ITSN2: variants seen among roughly 807,000 people sequenced by gnomAD.
ITSN2 encodes intersectin 2, also known as intersectin-2.
A neutral mutation model predicts 243.7 loss-of-function variants in ITSN2; 156 were observed. The observed-to-expected ratio is 0.64, with a 90% CI of 0.56 to 0.73. The LOEUF is 0.73. Ranked by LOEUF, ITSN2 falls within the 30% of genes least tolerant of loss-of-function variation. The probability of loss-of-function intolerance (pLI) is 0.00; values close to 1 mark genes in which losing one functional copy is unlikely to be tolerated. For synonymous variants in ITSN2, 703 were observed against 699.9 expected (o/e 1.00, Z -0.07); for missense variants, 1,801 against 1,996.1 (o/e 0.90, Z 1.86).
At chr2:24,267,173 G>C (rs2151432179) in intron 20 of ITSN2, among the ~76,000 whole-genome samples, 1 of 152,120 alleles carries the variant, frequency 6.6e-6, no homozygotes, top group East Asian at 1.9e-4. Flanking sequence ...ACTCACAAGT[G>C]GGAGTTGAAC....
rs536177172 is a variant in ITSN2 at position 24,216,442 on chromosome 2, A to G, written c.3807-210T>C. On this transcript the variant is annotated intron_variant, in intron 31 of 39. Coordinates refer to ENST00000355123, the MANE Select transcript of ITSN2 (RefSeq NM_006277.3). ...CCGGGGTGTGATGTCAGCAAAGAAA[A>G]AAAAAGTAAATAAAGTCCCTGCAGT... 1.4e-5 allele frequency: 6 copies of G among 434,144 alleles called. No individual in the cohort carries two copies. In the South Asian group the frequency reaches 3.1e-4, roughly 22 times the overall value. The allele number at this position is 434,144 out of a possible 1,614,324, so 26.9% of individuals were successfully genotyped here. A position where few individuals can be genotyped will look rare whatever the true frequency, so the allele number is the denominator to read the frequency against.
intron 20 of ITSN2, among the ~76,000 whole-genome samples, chr2:24,270,278 C>A (rs951867617): frequency 6.6e-6 from 1 of 152,152 alleles, no homozygotes; most frequent in African/African-American, 2.4e-5. Context: ...TGTGATAACA[C>A]AATAAAGACT....
At chr2:24,315,768 T>C (rs1314604244) in intron 2 of ITSN2, among the ~76,000 whole-genome samples, 1 of 152,234 alleles carries the variant, frequency 6.6e-6, no homozygotes, top group Non-Finnish European at 1.5e-5. Flanking sequence ...CCCCCCTTGC[T>C]GCTTCTCTCT....
intron 37 of ITSN2, chr2:24,205,781 C>T (rs1463690766): frequency 1.2e-5 from 2 of 166,250 alleles, no homozygotes; most frequent in African/African-American, 4.8e-5. Context: ...CACTTAATAG[C>T]AGCTAACATT....
At chr2:24,282,041 G>A (rs1266597757) in intron 17 of ITSN2, among the ~76,000 whole-genome samples, 1 of 152,240 alleles carries the variant, frequency 6.6e-6, no homozygotes, top group East Asian at 1.9e-4. Context: ...TAGGGCTTCA[G>A]CCTCGGGCCT....
chr2:24,214,177 T>G (rs1669751970), intron 32 of ITSN2, among the ~76,000 whole-genome samples: 1 of 152,250 alleles, frequency 6.6e-6, no homozygotes, highest in Non-Finnish European at 1.5e-5. Flanking sequence ...CTTCTTTTCA[T>G]GTAATGCTTA....
chr2:24,307,492 G>A (rs1324556290), intron 8 of ITSN2, among the ~76,000 whole-genome samples: 2 of 152,056 alleles, frequency 1.3e-5, no homozygotes, highest in African/African-American at 2.4e-5. Context: ...TAGGTCACCC[G>A]TGAACCTACC....
intron 28 of ITSN2, 109 bp downstream of exon 28, chr2:24,246,688 A>G (rs1206758251): frequency 2.8e-6 from 2 of 718,472 alleles, no homozygotes; most frequent in East Asian, 2.6e-5. Context: ...AAGCAGACAT[A>G]AGGAAAGAAC....
chr2:24,313,100 T>TC (rs1354148771), intron 4 of ITSN2, among the ~76,000 whole-genome samples: 17 of 148,252 alleles, frequency 1.1e-4, no homozygotes, highest in Admixed American at 6.1e-4. Flanking sequence ...TTTTTTTTTT[T>TC]CTAAAGAGAG....
chr2:24,261,402 T>G (rs575361929), intron 21 of ITSN2, 152 bp from the exon 22 acceptor site: 2 of 904,140 alleles, frequency 2.2e-6, no homozygotes, highest in Admixed American at 5.6e-5. Context: ...ACCCATGTTT[T>G]CACTTACTAA....
chr2:24,275,141 T>C (rs754175395), intron 18 of ITSN2, among the ~76,000 whole-genome samples: 3 of 152,246 alleles, frequency 2.0e-5, no homozygotes, highest in Non-Finnish European at 4.4e-5. Flanking sequence ...AGGAAACTAA[T>C]AGATTTACCA....
intron 15 of ITSN2, among the ~76,000 whole-genome samples, chr2:24,288,600 TAC>T (rs1679830661): frequency 1.3e-5 from 2 of 152,300 alleles, no homozygotes; most frequent in East Asian, 3.9e-4. Flanking sequence ...GAAATATGTA[TAC>T]ATTGTAAAAT....
At chr2:24,288,184 A>G (rs1221523865) in intron 15 of ITSN2, among the ~76,000 whole-genome samples, 1 of 151,906 alleles carries the variant, frequency 6.6e-6, no homozygotes, top group Non-Finnish European at 1.5e-5. Flanking sequence ...ATCCATTTTG[A>G]GCTGATTTTT....
At chr2:24,288,604 T>C (rs1028444515) in intron 15 of ITSN2, among the ~76,000 whole-genome samples, 2 of 152,286 alleles carry the variant, frequency 1.3e-5, no homozygotes, top group Non-Finnish European at 2.9e-5. Flanking sequence ...TATGTATACA[T>C]TGTAAAATGG....
At chr2:24,347,339 T>G (rs951292222) in intron 1 of ITSN2, among the ~76,000 whole-genome samples, 1 of 152,016 alleles carries the variant, frequency 6.6e-6, no homozygotes, top group African/African-American at 2.4e-5. Context: ...AAATGACAAT[T>G]TCAAGGCTAT....
intron 27 of ITSN2, among the ~76,000 whole-genome samples, chr2:24,248,241 C>T (rs1440776812): frequency 1.3e-5 from 2 of 152,046 alleles, no homozygotes; most frequent in East Asian, 3.9e-4. Flanking sequence ...TAGCGGACAG[C>T]CCAATTAGTA....
chr2:24,212,729 C>T lies in ITSN2; in HGVS notation c.4010G>A (p.Arg1337Gln), dbSNP rs749005804. The change falls in exon 33 of 40, where the codon CGG becomes CAG. Residue 1337 changes from arginine (R) to glutamine (Q), a missense_variant. Physicochemically the swap from Arg to Gln is conservative, Grantham distance 43. Coordinates refer to ENST00000355123, the MANE Select transcript of ITSN2 (RefSeq NM_006277.3). ...EFLKKLASDP[R>Q]CKGMPLSSFL... ...GCTGGAGAGGGGCATTCCTTTACAC[C>T]GCGGGTCAGATGCCAGCTTCTGCAA... The T allele has an allele frequency of 1.2e-5, 19 of 1,613,978 alleles. No individual in the cohort carries two copies. The highest frequency in any genetic ancestry group is 8.0e-5 in the African/African-American group (6 of 74,908).
At chr2:24,341,005 G>GAT (rs1043872237) in intron 1 of ITSN2, among the ~76,000 whole-genome samples, 3 of 152,208 alleles carry the variant, frequency 2.0e-5, no homozygotes, top group African/African-American at 7.2e-5. Flanking sequence ...TCCAGGTGGT[G>GAT]AGAACTTGAA....
chr2:24,338,197 G>GT (rs1486663740), intron 1 of ITSN2, among the ~76,000 whole-genome samples: 1 of 152,164 alleles, frequency 6.6e-6, no homozygotes, highest in Non-Finnish European at 1.5e-5. Context: ...AAACTTTAGT[G>GT]TTTATAACCT....
Sources: gnomAD v4.1 joint callset for allele counts (sites outside exome capture counted in the v4.1 genomes callset) on GRCh38, gnomAD v4.1.1 for gene constraint, MANE v1.5 for transcripts, NCBI Gene and HGNC (gene_info 2026-07-23, HGNC 2026-07-21) for gene names.